Variants in PLB1 observed in about 807,000 individuals in gnomAD.
The protein encoded by PLB1 is phospholipase B1, membrane-associated.
Under a neutral mutation model 227.4 loss-of-function variants are expected in PLB1, and 242 were observed. The observed-to-expected ratio is 1.06, with a 90% CI of 0.96 to 1.18. The LOEUF (loss-of-function observed/expected upper bound fraction) is 1.18, where lower values mean the gene tolerates loss of function less well. PLB1 is among the 50% of genes most tolerant of loss of function. PLB1 has a pLI of 0.00. For missense variants in PLB1, 1,858 were observed against 1,816.3 expected (o/e 1.02, Z -0.42); for synonymous variants, 757 against 682.2 (o/e 1.11, Z -1.71).
At chr2:28,578,305 C>G (rs775776627) in intron 22 of PLB1, 147 bp downstream of exon 22, 62 of 778,212 alleles carry the variant, frequency 8.0e-5, no homozygotes, top group Non-Finnish European at 1.3e-4. Context: ...AAAGGGGATT[C>G]CTATTTGTTC....
chr2:28,593,622 A>G, intron 32 of PLB1, 59 bp from the exon 33 acceptor site: 1 of 1,474,928 alleles, frequency 6.8e-7, no homozygotes, highest in Non-Finnish European at 9.5e-7. Flanking sequence ...CTGTGCATTC[A>G]CAGCCTCCCT....
intron 17 of PLB1, 52 bp from the exon 18 acceptor site, chr2:28,562,989 C>T (rs1676297050): frequency 1.3e-6 from 2 of 1,507,846 alleles, no homozygotes; most frequent in Non-Finnish European, 1.8e-6. Flanking sequence ...TAGATGGGTC[C>T]AGTGCTTTCC....
chr2:28,597,112 A>C (rs1683072510), intron 33 of PLB1, among the ~76,000 whole-genome samples: 1 of 151,890 alleles, frequency 6.6e-6, no homozygotes, highest in Non-Finnish European at 1.5e-5. Context: ...AAAACAGAAA[A>C]AATTAGCTGG....
intron 9 of PLB1, among the ~76,000 whole-genome samples, chr2:28,535,390 G>A (rs976378630): frequency 5.9e-5 from 9 of 152,292 alleles, no homozygotes; most frequent in African/African-American, 2.2e-4. Flanking sequence ...TTACCCCAGA[G>A]GCCCTGTGGC....
chr2:28,593,638 C>T, intron 32 of PLB1, 43 bp from the exon 33 acceptor site: 1 of 1,570,028 alleles, frequency 6.4e-7, no homozygotes, highest in Non-Finnish European at 8.8e-7. Context: ...TCCCTGTTCT[C>T]TGACTTGCTA....
intron 1 of PLB1, among the ~76,000 whole-genome samples, chr2:28,514,590 C>T (rs1668634034): frequency 6.6e-6 from 1 of 152,118 alleles, no homozygotes. Flanking sequence ...ACATGTTGTC[C>T]ATGGCTGCTT....
chr2:28,498,285 G>A (rs931899004), intron 1 of PLB1, among the ~76,000 whole-genome samples: 11 of 151,704 alleles, frequency 7.3e-5, no homozygotes, highest in African/African-American at 2.4e-4. Context: ...GGGCAGTGGT[G>A]CAATTATGGC....
At chr2:28,613,976 C>G (rs1037496705) in intron 43 of PLB1, 55 bp from the exon 44 acceptor site, 1 of 1,453,468 alleles carries the variant, frequency 6.9e-7, no homozygotes, top group Non-Finnish European at 9.7e-7. Context: ...TTCTCCTTCT[C>G]AAGCAAACTT....
In PLB1 at chr2:28,617,721, A is replaced by G. The variant is rs1441133578; in HGVS notation, c.3196-6A>G. 1.3e-5 allele frequency: 21 copies of G among 1,613,858 alleles called. No individual in the cohort carries two copies. The highest frequency in any genetic ancestry group is 1.8e-5 in the Non-Finnish European group (21 of 1,179,822). On this transcript the variant is annotated splice_polypyrimidine_tract_variant and splice_region_variant and intron_variant, in intron 44 of 57. Coordinates refer to ENST00000327757, the MANE Select transcript of PLB1 (RefSeq NM_153021.5). The stretch of plus-strand genomic sequence containing the variant: ...GGGCACTGAATCTTTTCTCCTGTTG[A>G]TTTAGAACTGGGGCAGTGACTTCCT...
chr2:28,503,682 C>T (rs767125125), intron 1 of PLB1, among the ~76,000 whole-genome samples: 9 of 152,164 alleles, frequency 5.9e-5, no homozygotes, highest in Admixed American at 3.9e-4. Context: ...TGGGTGTCTT[C>T]GTGTTCCCCT....
At chr2:28,567,278 C>T (rs1484837581) in intron 20 of PLB1, among the ~76,000 whole-genome samples, 1 of 152,112 alleles carries the variant, frequency 6.6e-6, no homozygotes, top group East Asian at 1.9e-4. Flanking sequence ...CGAGAGGCAT[C>T]GATCCAGGCA....
At chr2:28,610,891 C>G (rs1333345323) in intron 43 of PLB1, among the ~76,000 whole-genome samples, 1 of 150,422 alleles carries the variant, frequency 6.6e-6, no homozygotes, top group Non-Finnish European at 1.5e-5. Flanking sequence ...GTCGGCCCCC[C>G]TTTCTACTCA....
chr2:28,591,866 G>T, intron 31 of PLB1, 106 bp downstream of exon 31: 1 of 1,135,656 alleles, frequency 8.8e-7, no homozygotes, highest in Non-Finnish European at 1.3e-6. Flanking sequence ...CACAGTGACG[G>T]CCAGTGCTTG....
chr2:28,589,813 A>G, intron 28 of PLB1, 43 bp downstream of exon 28: 1 of 1,574,776 alleles, frequency 6.4e-7, no homozygotes. Context: ...CTCTGGTAAG[A>G]AAAAGACTTC....
chr2:28,582,375 C>G (rs1315091924), intron 24 of PLB1, 30 bp from the exon 25 acceptor site: 1 of 1,593,476 alleles, frequency 6.3e-7, no homozygotes, highest in Non-Finnish European at 8.6e-7. Flanking sequence ...CAGCCTCATC[C>G]TCTTGGTGAC....
intron 22 of PLB1, among the ~76,000 whole-genome samples, chr2:28,578,595 A>G: frequency 6.6e-6 from 1 of 152,126 alleles, no homozygotes; most frequent in East Asian, 1.9e-4. Flanking sequence ...GGCCTACGGG[A>G]GAGCCCTGGT....
intron 9 of PLB1, among the ~76,000 whole-genome samples, chr2:28,537,447 T>A (rs922856243): frequency 1.3e-5 from 2 of 151,960 alleles, no homozygotes; most frequent in Non-Finnish European, 2.9e-5. Context: ...ATCCAGCACT[T>A]TGGGAGGCCG....
At chr2:28,558,209 TAGGAGAC>T (rs1558756163) in intron 17 of PLB1, among the ~76,000 whole-genome samples, 1 of 151,854 alleles carries the variant, frequency 6.6e-6, no homozygotes, top group Non-Finnish European at 1.5e-5. Context: ...GCTACAAATT[TAGGAGAC>T]AGGAATGGTA....
intron 1 of PLB1, among the ~76,000 whole-genome samples, chr2:28,498,927 C>T (rs1666778522): frequency 6.6e-6 from 1 of 152,102 alleles, no homozygotes; most frequent in East Asian, 1.9e-4. Flanking sequence ...TTCTATGAAT[C>T]AAGTTGGGGA....
Sources: gnomAD v4.1 joint callset for allele counts (sites outside exome capture counted in the v4.1 genomes callset) on GRCh38, gnomAD v4.1.1 for gene constraint, MANE v1.5 for transcripts, NCBI Gene and HGNC (gene_info 2026-07-23, HGNC 2026-07-21) for gene names.